CPLANE1: variants seen among roughly 807,000 people sequenced by gnomAD.
CPLANE1 encodes the protein ciliogenesis and planar polarity effector 1.
In CPLANE1, 263 loss-of-function variants were observed where a neutral mutation model predicts 362.5. The ratio of observed to expected loss-of-function variants is 0.73; its 90% confidence interval spans 0.66 to 0.80. CPLANE1 has a LOEUF of 0.80. Among genes scored for constraint, CPLANE1 ranks in the 30% least tolerant of loss-of-function variants. CPLANE1 has a pLI of 0.00. For missense variants in CPLANE1, 3,461 were observed against 3,793.4 expected, an observed-to-expected ratio of 0.91 and a Z score of 2.30; for synonymous variants, 1,212 against 1,302.6, an observed-to-expected ratio of 0.93 and a Z score of 1.50.
chr5:37,189,595 T>C (rs1291355425), intron 21 of CPLANE1, among the ~76,000 whole-genome samples: 1 of 152,236 alleles, frequency 6.6e-6, no homozygotes, highest in Non-Finnish European at 1.5e-5. Context: ...ACATCCTTTA[T>C]CTGTGTTTTT....
intron 38 of CPLANE1, among the ~76,000 whole-genome samples, chr5:37,161,548 T>A (rs1776856513): frequency 6.6e-6 from 1 of 152,116 alleles, no homozygotes; most frequent in African/African-American, 2.4e-5. Flanking sequence ...ATAAATAATA[T>A]GTTAAAGATA....
chr5:37,086,742 G>C, the CPLANE1 span, among the ~76,000 whole-genome samples: 2 of 152,126 alleles, frequency 1.3e-5, no homozygotes, highest in African/African-American at 2.4e-5. Flanking sequence ...GTCAGGGCCG[G>C]GGCTGACAGC....
At chr5:37,229,865 T>C (rs1797313543) in intron 9 of CPLANE1, among the ~76,000 whole-genome samples, 1 of 152,106 alleles carries the variant, frequency 6.6e-6, no homozygotes, top group African/African-American at 2.4e-5. Flanking sequence ...TTCTGCAAGA[T>C]GGGAGATCAA....
intron 31 of CPLANE1, 71 bp downstream of exon 31, chr5:37,175,838 C>T (rs1198646202): frequency 1.7e-5 from 17 of 1,018,984 alleles, no homozygotes; most frequent in African/African-American, 3.2e-5. Context: ...ATGGTACAGT[C>T]GGCATACTTT....
At chr5:37,217,887 G>A (rs963054209) in intron 15 of CPLANE1, among the ~76,000 whole-genome samples, 2 of 151,920 alleles carry the variant, frequency 1.3e-5, no homozygotes, top group African/African-American at 2.4e-5. Flanking sequence ...GGCTGAGGCA[G>A]GAGAATTGCT....
chr5:37,193,008 A>C (rs1272982555), intron 21 of CPLANE1, among the ~76,000 whole-genome samples: 1 of 151,310 alleles, frequency 6.6e-6, no homozygotes, highest in African/African-American at 2.4e-5. Flanking sequence ...CCTACTAAAA[A>C]GTACAAAAAT....
chr5:37,117,515 GT>G (rs1251471850), intron 50 of CPLANE1, among the ~76,000 whole-genome samples: 6 of 152,110 alleles, frequency 3.9e-5, no homozygotes, highest in Admixed American at 3.9e-4. Flanking sequence ...TTATATCAGC[GT>G]GGATGAACTA....
At chr5:37,104,493 A>T (rs1757453674), downstream of CPLANE1, among the ~76,000 whole-genome samples, 1 of 152,082 alleles carries the variant, frequency 6.6e-6, no homozygotes, top group Non-Finnish European at 1.5e-5. Flanking sequence ...CCAGCTACTC[A>T]GGAGGCTGAG....
chr5:37,226,785 G>T lies in CPLANE1; in HGVS notation c.1810C>A (p.His604Asn). 1 of 1,542,908 alleles carries T rather than the reference G, an allele frequency of 6.5e-7. No individual in the cohort carries two copies. Among genetic ancestry groups the T allele is most frequent in the South Asian group, 1.2e-5 (1 of 81,886 alleles). ...MLNYIVVCIT[H>N]FFYILQFIKC... ...ATAAATTGAAGAATGTAAAAAAAAT[G>T]AGTGATACAAACTACTATGTAATTT... Residue 604 changes from histidine (H) to asparagine (N), a missense_variant, in exon 12 of 53, where the codon CAT becomes AAT. By Grantham distance (68) the His-to-Asn change is moderately conservative. This residue lies in a region of CPLANE1 where 3,380 missense variants were observed against 3,666.1 expected (regional missense o/e 0.92). Coordinates refer to ENST00000651892, the MANE Select transcript of CPLANE1 (RefSeq NM_001384732.1).
At chr5:37,130,912 G>A (rs374891931) in intron 46 of CPLANE1, among the ~76,000 whole-genome samples, 3 of 152,248 alleles carry the variant, frequency 2.0e-5, no homozygotes, top group Middle Eastern at 3.4e-3. Flanking sequence ...TAAACTTAAA[G>A]TGCTAAAACA....
intron 31 of CPLANE1, 61 bp from the exon 32 acceptor site, chr5:37,174,008 G>T: frequency 7.5e-7 from 1 of 1,338,628 alleles, no homozygotes; most frequent in Non-Finnish European, 1.0e-6. Flanking sequence ...CAAATTGAAT[G>T]TCTATGATCA....
chr5:37,164,102 T>G (rs1447157034), intron 37 of CPLANE1, among the ~76,000 whole-genome samples, 171 bp downstream of exon 37: 1 of 152,130 alleles, frequency 6.6e-6, no homozygotes, highest in African/African-American at 2.4e-5. Flanking sequence ...TTTCTGTGGG[T>G]TTTCTAGTCA....
chr5:37,175,937 G>T lies in CPLANE1; in HGVS notation c.5950C>A (p.Gln1984Lys). 1 of 1,613,348 alleles carries T rather than the reference G, an allele frequency of 6.2e-7. No individual in the cohort carries two copies. The highest frequency in any genetic ancestry group is 8.5e-7 in the Non-Finnish European group (1 of 1,179,558). The part of the protein sequence containing the change: ...HPGHTTPQSM[Q>K]VDTSSEISSA... ...GAAATTTCTGAACTCGTATCTACTT[G>T]CATTGATTGAGGAGTGGTATGCCCA... The change falls in exon 31 of 53, where the codon CAA becomes AAA. Residue 1984 changes from glutamine to lysine, a missense_variant. Transcript: ENST00000651892.
chr5:37,173,855 G>A lies in CPLANE1; in HGVS notation c.6071C>T (p.Thr2024Ile). Residue 2024 changes from threonine (T) to isoleucine (I), a missense_variant, in exon 32 of 53, where the codon ACA (threonine) becomes ATA (isoleucine). Physicochemically the swap from Thr to Ile is moderately conservative, Grantham distance 89 (BLOSUM62 -1). This residue lies in a region of CPLANE1 where 3,380 missense variants were observed against 3,666.1 expected (regional missense o/e 0.92). Transcript: ENST00000651892. ...VNVASQPPAP[T>I]PQKTQRNEFT... ...TTCATTTCTCTGGGTCTTCTGAGGTGTTGGAGCAGGTGGTTGTGAAGCAAC... is the reference window on the plus strand; with the variant it reads ...TTCATTTCTCTGGGTCTTCTGAGGTATTGGAGCAGGTGGTTGTGAAGCAAC... The A allele has an allele frequency of 1.2e-6, 2 of 1,614,154 alleles. No homozygotes were observed. Among genetic ancestry groups the A allele is most frequent in the Non-Finnish European group, 1.7e-6 (2 of 1,180,002 alleles).
chr5:37,210,023 G>T, intron 16 of CPLANE1: 1 of 831,302 alleles, frequency 1.2e-6, no homozygotes, highest in South Asian at 1.5e-5. Context: ...AAAAGTTGAA[G>T]TTTTTTAAAG....
intron 51 of CPLANE1, among the ~76,000 whole-genome samples, chr5:37,114,230 G>A (rs181586887): frequency 6.0e-4 from 91 of 152,332 alleles, no homozygotes; most frequent in Admixed American, 1.7e-3. Flanking sequence ...TAATGCACAT[G>A]AGGTGTGAAC....
intron 15 of CPLANE1, 116 bp downstream of exon 15, chr5:37,221,208 C>T: frequency 1.7e-6 from 1 of 599,820 alleles, no homozygotes. Flanking sequence ...GTCCTAGCCA[C>T]TTGAGGCGGC....
chr5:37,239,621 G>T (rs1294727775), intron 7 of CPLANE1, 92 bp downstream of exon 7: 2 of 793,842 alleles, frequency 2.5e-6, no homozygotes, highest in Non-Finnish European at 1.8e-6. Context: ...AAAAAAAATG[G>T]ATATAAAGGA....
chr5:37,148,172 C>T lies in CPLANE1; in HGVS notation c.8461+9G>A. 1 of 1,606,542 alleles carries T rather than the reference C, an allele frequency of 6.2e-7. No individual in the cohort carries two copies. The highest frequency in any genetic ancestry group is 8.5e-7 in the Non-Finnish European group (1 of 1,174,612). On this transcript the variant is annotated intron_variant, in intron 43 of 52. Coordinates refer to ENST00000651892, the MANE Select transcript of CPLANE1 (RefSeq NM_001384732.1). ...AGACTTCAGCCAGCCCCTATCAGCCCCTACAAACCTTCTTCAGAAATGCTA... is the reference window on the plus strand; with the variant it reads ...AGACTTCAGCCAGCCCCTATCAGCCTCTACAAACCTTCTTCAGAAATGCTA...
Sources: gnomAD v4.1 joint callset for allele counts (sites outside exome capture counted in the v4.1 genomes callset) on GRCh38, gnomAD v4.1.1 for gene constraint, gnomAD v4.1.1 regional missense constraint, MANE v1.5 for transcripts, NCBI Gene and HGNC (gene_info 2026-07-23, HGNC 2026-07-21) for gene names.